PDE1C: variants seen among roughly 807,000 people sequenced by gnomAD.
The protein encoded by PDE1C is dual specificity calcium/calmodulin-dependent 3',5'-cyclic nucleotide phosphodiesterase 1C.
PDE1C carries 62 observed loss-of-function variants against 93.1 expected under a neutral mutation model. The ratio of observed to expected loss-of-function variants is 0.67; its 90% CI spans 0.54 to 0.82. The LOEUF is 0.82. Among genes scored for constraint, PDE1C ranks in the 40% least tolerant of loss-of-function variants. PDE1C has a pLI of 0.00. For synonymous variants in PDE1C, 325 were observed against 310.1 expected (o/e 1.05, Z -0.50); for missense variants, 742 against 884.6 (o/e 0.84, Z 2.04).
At chr7:31,806,569 A>T (rs751416756) in intron 16 of PDE1C, among the ~76,000 whole-genome samples, 1 of 151,960 alleles carries the variant, frequency 6.6e-6, no homozygotes, top group East Asian at 1.9e-4. Context: ...ACTTACAGAG[A>T]TAATGTACAG....
chr7:31,884,334 C>T (rs1203354038), intron 2 of PDE1C, among the ~76,000 whole-genome samples: 1 of 151,900 alleles, frequency 6.6e-6, no homozygotes, highest in Non-Finnish European at 1.5e-5. Flanking sequence ...TAGGGAGCAT[C>T]TGCTGTGTGT....
chr7:32,133,202 A>G (rs984180301), intron 3 of PDE1C, among the ~76,000 whole-genome samples: 1 of 152,210 alleles, frequency 6.6e-6, no homozygotes, highest in African/African-American at 2.4e-5. Context: ...GACATGAGCT[A>G]TATCTGCTTC....
intron 17 of PDE1C, among the ~76,000 whole-genome samples, chr7:31,763,059 G>C (rs1365669699): frequency 6.6e-6 from 1 of 152,144 alleles, no homozygotes; most frequent in Non-Finnish European, 1.5e-5. Context: ...GATCACCCTG[G>C]AGTGGAGCCC....
chr7:31,794,691 C>T (rs1352186908), intron 16 of PDE1C, among the ~76,000 whole-genome samples: 1 of 151,944 alleles, frequency 6.6e-6, no homozygotes, highest in Non-Finnish European at 1.5e-5. Context: ...CCTACAACTC[C>T]TCTGATGATA....
chr7:31,939,682 C>T (rs73686829), intron 2 of PDE1C, among the ~76,000 whole-genome samples: 1,662 of 152,236 alleles, frequency 0.011, 32 homozygotes, highest in African/African-American at 0.038. Flanking sequence ...TCAAGACCTG[C>T]TTAGGAAAGA....
chr7:31,714,058 T>C, the PDE1C span, among the ~76,000 whole-genome samples: 3 of 152,218 alleles, frequency 2.0e-5, no homozygotes, highest in Non-Finnish European at 4.4e-5. Flanking sequence ...GAATTTCTTC[T>C]AAGAAAATAG....
intron 17 of PDE1C, among the ~76,000 whole-genome samples, chr7:31,756,199 G>T (rs1392728358): frequency 6.6e-6 from 1 of 152,090 alleles, no homozygotes; most frequent in Non-Finnish European, 1.5e-5. Flanking sequence ...TGAGACAAAA[G>T]AGTAACTTTA....
At chr7:31,642,532 C>A in the PDE1C span, 1 of 729,552 alleles carries the variant, frequency 1.4e-6, no homozygotes, top group Non-Finnish European at 2.2e-6. Flanking sequence ...GAGAGGAGGA[C>A]CTTGGTAAAG....
At chr7:31,632,189 C>T in the PDE1C span, among the ~76,000 whole-genome samples, 1 of 152,206 alleles carries the variant, frequency 6.6e-6, no homozygotes, top group Non-Finnish European at 1.5e-5. Flanking sequence ...TGGCTCACAC[C>T]TGTAATCCCA....
At chr7:31,628,457 T>C in the PDE1C span, among the ~76,000 whole-genome samples, 1 of 147,398 alleles carries the variant, frequency 6.8e-6, no homozygotes, top group Non-Finnish European at 1.5e-5. Context: ...CCTTTTTTTT[T>C]TTTCTTTTTT....
intron 2 of PDE1C, among the ~76,000 whole-genome samples, chr7:31,963,153 T>A (rs1218887271): frequency 6.6e-6 from 1 of 152,174 alleles, no homozygotes; most frequent in African/African-American, 2.4e-5. Flanking sequence ...ATAAAAGAAC[T>A]GCCTATATTT....
intron 2 of PDE1C, among the ~76,000 whole-genome samples, chr7:31,924,974 G>A (rs1018797306): frequency 6.6e-6 from 1 of 152,000 alleles, no homozygotes; most frequent in Non-Finnish European, 1.5e-5. Context: ...CAACCTGCCA[G>A]AGTTATAGAA....
At chr7:32,175,180 G>C (rs1456461759) in intron 2 of PDE1C, among the ~76,000 whole-genome samples, 2 of 152,078 alleles carry the variant, frequency 1.3e-5, no homozygotes, top group Non-Finnish European at 2.9e-5. Context: ...CCTCTCACTT[G>C]CCTTCATCTT....
chr7:31,880,696 A>G (rs369456668), intron 3 of PDE1C, 51 bp downstream of exon 3: 274 of 1,073,440 alleles, frequency 2.6e-4, no homozygotes, highest in Non-Finnish European at 3.6e-4. Context: ...AAGCCATTTA[A>G]GAGAAAATTT....
chr7:31,851,057 G>T (rs1793262525), intron 7 of PDE1C, among the ~76,000 whole-genome samples: 1 of 130,178 alleles, frequency 7.7e-6, no homozygotes, highest in Non-Finnish European at 1.7e-5. Flanking sequence ...AAAGTTCCTA[G>T]GTAGACACAC....
chr7:32,377,040 C>T (rs553488732), intron 1 of PDE1C, among the ~76,000 whole-genome samples: 2 of 152,254 alleles, frequency 1.3e-5, no homozygotes, highest in South Asian at 4.1e-4. Context: ...ACCATGTGTA[C>T]TCCCAAGGAC....
intron 3 of PDE1C, among the ~76,000 whole-genome samples, chr7:32,138,087 CA>C (rs1294928049): frequency 6.6e-6 from 1 of 152,084 alleles, no homozygotes; most frequent in Non-Finnish European, 1.5e-5. Context: ...TAGTAGAAAA[CA>C]AAGAATGGCA....
intron 17 of PDE1C, among the ~76,000 whole-genome samples, chr7:31,761,467 C>A (rs189679713): frequency 3.2e-4 from 49 of 152,242 alleles, no homozygotes; most frequent in African/African-American, 1.2e-3. Context: ...ACATTAAGGT[C>A]CTGACTTAAA....
intron 2 of PDE1C, among the ~76,000 whole-genome samples, chr7:32,185,623 A>G (rs1367355310): frequency 6.6e-6 from 1 of 152,200 alleles, no homozygotes; most frequent in Admixed American, 6.5e-5. Context: ...ATTTGTTTGC[A>G]TAAATTTATT....
Sources: allele counts gnomAD v4.1 joint callset (sites outside exome capture counted in the v4.1 genomes callset), GRCh38; gene constraint gnomAD v4.1.1; transcripts MANE v1.5; gene names NCBI Gene and HGNC (gene_info 2026-07-23, HGNC 2026-07-21).